Variants in IBA57 observed in about 807,000 individuals in gnomAD.
The protein encoded by IBA57 is iron-sulfur cluster assembly factor IBA57, mitochondrial.
A neutral mutation model predicts 20.4 loss-of-function variants in IBA57; 20 were observed. The observed-to-expected ratio is 0.98, with a 90% CI of 0.69 to 1.42. The LOEUF is 1.42. Among genes scored for constraint, IBA57 ranks in the 40% most tolerant of loss-of-function variants. The pLI is 0.00. For synonymous variants in IBA57, 310 were observed against 233.9 expected (o/e 1.33, Z -2.97); for missense variants, 608 against 499.3 (o/e 1.22, Z -2.07).
intron 1 of IBA57, among the ~76,000 whole-genome samples, chr1:228,168,376 T>C (rs2034880626): frequency 6.6e-6 from 1 of 152,224 alleles, no homozygotes; most frequent in Admixed American, 6.5e-5. Context: ...AGTCTGTTAG[T>C]AGTTAAGCTT....
At chr1:228,166,233 C>G in intron 1 of IBA57, 76 bp downstream of exon 1, 1 of 468,722 alleles carries the variant, frequency 2.1e-6, no homozygotes, top group Non-Finnish European at 2.7e-6. Context: ...AGGGACAGGG[C>G]GGGCGCCCGG....
In IBA57 at chr1:228,165,990, G is replaced by A. The variant is rs1163691958; in HGVS notation, c.174G>A (p.Leu58=). The A allele has an allele frequency of 6.6e-7, 1 of 1,525,972 alleles. No individual in the cohort carries two copies. The highest frequency in any genetic ancestry group is 8.7e-7 in the Non-Finnish European group (1 of 1,144,056). 94.5% of individuals were successfully genotyped at this position (1,525,972 alleles called of 1,614,324 possible). ...GCTTCCGGCTGGACGGGCGCACCCT[G>A]CTGCGCGTGCGTGGCCCCGACGCGG... ...WACFRLDGRT[L]LRVRGPDAAP... Residue 58 remains leucine (L), a synonymous_variant, in exon 1 of 3, where the codon CTG becomes CTA. Transcript: ENST00000366711.
In IBA57 at chr1:228,165,982, C is replaced by G; in HGVS notation, c.166C>G (p.Arg56Gly). Residue 56 changes from arginine to glycine, a missense_variant, in exon 1 of 3, where the codon CGC (arginine) becomes GGC (glycine). Coordinates refer to ENST00000366711, the MANE Select transcript of IBA57 (RefSeq NM_001010867.4). ...CTGGGCCTGCTTCCGGCTGGACGGG[C>G]GCACCCTGCTGCGCGTGCGTGGCCC... ...AAWACFRLDG[R>G]TLLRVRGPDA... 6.6e-7 allele frequency: 1 copy of G among 1,521,682 alleles called. No homozygotes were observed. The highest frequency in any genetic ancestry group is 8.8e-7 in the Non-Finnish European group (1 of 1,142,268). The allele number at this position is 1,521,682 out of a possible 1,614,324, so 94.3% of individuals were successfully genotyped here. A position where few individuals can be genotyped will look rare whatever the true frequency, so the allele number is the denominator to read the frequency against.
In IBA57 at chr1:228,175,606, C is replaced by A; in HGVS notation, c.*93C>A. 1 of 1,431,312 alleles carries A rather than the reference C, an allele frequency of 7.0e-7. No homozygotes were observed. Among genetic ancestry groups the A allele is most frequent in the Non-Finnish European group, 9.3e-7 (1 of 1,079,948 alleles). The allele number at this position is 1,431,312 out of a possible 1,614,324, so 88.7% of individuals were successfully genotyped here. On this transcript the variant is annotated 3_prime_UTR_variant, in exon 3 of 3. Transcript: ENST00000366711. ...GTCTTCCCGTCCCATCTGTCTGCTG[C>A]GCCTACTGGGTGGGAGCCCTGGTTT...
Position 228,174,854 on chromosome 1 carries a change from G to T in IBA57, c.504G>T (p.Glu168Asp). ...RVWAVLPSSPEACGAASLQER... is the reference protein window; with the variant it reads ...RVWAVLPSSPDACGAASLQER... ...GGGCGGTGTTGCCCAGTTCCCCTGA[G>T]GCCTGCGGGGCTGCATCGCTGCAGG... Residue 168 changes from glutamate (E) to aspartate (D), a missense_variant, in exon 2 of 3, where the codon GAG becomes GAT. Glu to Asp is a conservative substitution (Grantham distance 45). Transcript: ENST00000366711. 1 of 1,610,262 alleles carries T rather than the reference G, an allele frequency of 6.2e-7. No homozygotes were observed.
rs1354886880 is a variant in IBA57, at chr1:228,165,995, G to C, written c.179G>C (p.Arg60Pro). 2.0e-6 allele frequency: 3 copies of C among 1,527,648 alleles called. No individual in the cohort carries two copies. Among genetic ancestry groups the C allele is most frequent in the Non-Finnish European group, 1.7e-6 (2 of 1,144,796 alleles). 94.6% of individuals were successfully genotyped at this position (1,527,648 alleles called of 1,614,324 possible). Residue 60 changes from arginine (R) to proline (P), a missense_variant, in exon 1 of 3, where the codon CGC becomes CCC. Coordinates refer to ENST00000366711, the MANE Select transcript of IBA57 (RefSeq NM_001010867.4). ...CFRLDGRTLLRVRGPDAAPFL... is the reference protein window; with the variant it reads ...CFRLDGRTLLPVRGPDAAPFL... ...CGGCTGGACGGGCGCACCCTGCTGCGCGTGCGTGGCCCCGACGCGGCGCCC... is the reference window on the plus strand; with the variant it reads ...CGGCTGGACGGGCGCACCCTGCTGCCCGTGCGTGGCCCCGACGCGGCGCCC...
At position 228,170,071 on chromosome 1, in the gene IBA57, A is replaced by G. The variant is rs531404749; in HGVS notation, c.341+3914A>G. 5.9e-5 allele frequency among the ~76,000 whole-genome samples: 9 copies of G among 152,230 alleles called. No homozygotes were observed. The highest frequency in any genetic ancestry group is 8.8e-5 in the Non-Finnish European group (6 of 68,026). On this transcript the variant is annotated intron_variant, in intron 1 of 2. Transcript: ENST00000366711. The surrounding 1 kb of genome is among the most constrained non-coding windows in gnomAD (Gnocchi z 4.8). ...TTTTTAGTAGAGACGGGGTTTCACC[A>G]TGTTGGTCAGGCTGGTCTCGAACTA... is the stretch of plus-strand genomic sequence containing the variant.
rs73095427 is a variant in IBA57 at position 228,174,786 on chromosome 1, C to T, written c.436C>T (p.Arg146Trp). The T allele has an allele frequency of 1.2e-6, 2 of 1,610,862 alleles. No homozygotes were observed. The highest frequency in any genetic ancestry group is 1.1e-5 in the South Asian group (1 of 90,896). The change falls in exon 2 of 3, where the codon CGG (arginine) becomes TGG (tryptophan). Residue 146 changes from arginine to tryptophan, a missense_variant. Transcript: ENST00000366711. ...LQKHLALYRI[R>W]RKVTVEPHPE... is the part of the protein sequence containing the mutation. ...GAAGCACCTCGCGCTATACAGGATC[C>T]GGCGGAAGGTCACGGTGGAGCCGCA...
chr1:228,172,542 G>A (rs2034943621), intron 1 of IBA57: 1 of 152,276 alleles, frequency 6.6e-6, no homozygotes, highest in Non-Finnish European at 1.5e-5. Flanking sequence ...CCCACATGGT[G>A]TAGTGGCACC....
Position 228,174,916 on chromosome 1 carries a change from CG to C in IBA57, c.567del (p.Arg190GlufsTer61). ...AGAAAILIRDPRTARMGWRLL... is the reference protein window; with the variant it reads ...AGAAAILIRDXRTARMGWRLL... ...GCTGCCGCCATCCTCATCCGCGACCCGCGAACAGCACGCATGGGGTGGCGGC... is the reference window on the plus strand; with the variant it reads ...GCTGCCGCCATCCTCATCCGCGACCCCGAACAGCACGCATGGGGTGGCGGC... On this transcript the variant is annotated frameshift_variant, in exon 2 of 3. Coordinates refer to ENST00000366711, the MANE Select transcript of IBA57 (RefSeq NM_001010867.4). LOFTEE classifies it high-confidence loss of function. 6.3e-7 allele frequency: 1 copy of C among 1,599,706 alleles called. No individual in the cohort carries two copies. Among genetic ancestry groups the C allele is most frequent in the Non-Finnish European group, 8.5e-7 (1 of 1,172,350 alleles).
intron 1 of IBA57, chr1:228,171,497 G>A (rs1261973155): frequency 6.6e-6 from 1 of 152,358 alleles, no homozygotes; most frequent in Non-Finnish European, 1.5e-5. Context: ...CACCCTGTGT[G>A]AGGCCAGGGA....
intron 1 of IBA57, 102 bp downstream of exon 1, chr1:228,166,259 T>G (rs1449411550): frequency 1.8e-3 from 129 of 71,408 alleles, no homozygotes; most frequent in South Asian, 0.014. Context: ...GCAGAGGGCG[T>G]GGGGGGTGGG....
At position 228,170,662 on chromosome 1, in the gene IBA57, G is replaced by T. The variant is rs1418769107; in HGVS notation, c.342-4030G>T. On this transcript the variant is annotated intron_variant, in intron 1 of 2. Coordinates refer to ENST00000366711, the MANE Select transcript of IBA57 (RefSeq NM_001010867.4). The surrounding 1 kb of genome is among the most constrained non-coding windows in gnomAD (Gnocchi z 4.8). ...GTAGGAGGCAGAGAGAGGCTGTAGG[G>T]TCATGTTGCAGGTAGGATTGTGGTC... 6.6e-6 allele frequency among the ~76,000 whole-genome samples: 1 copy of T among 152,194 alleles called. No individual in the cohort carries two copies. Among genetic ancestry groups the T allele is most frequent in the Non-Finnish European group, 1.5e-5 (1 of 68,034 alleles).
In IBA57 at chr1:228,175,486, A is replaced by C. The variant is rs934976264; in HGVS notation, c.1044A>C (p.Pro348=). ...AGGTGGCCTTAGCCGCATCTGTGCC[A>C]GACTGGTGGCCTACAGTCTCCAAGT... ...GAQVALAASV[P]DWWPTVSK is the part of the protein sequence containing the mutation. Residue 348 remains proline (P), a synonymous_variant, in exon 3 of 3, where the codon CCA becomes CCC. Coordinates refer to ENST00000366711, the MANE Select transcript of IBA57 (RefSeq NM_001010867.4). 6.3e-7 allele frequency: 1 copy of C among 1,587,302 alleles called. No homozygotes were observed. Among genetic ancestry groups the C allele is most frequent in the African/African-American group, 1.3e-5 (1 of 74,426 alleles).
At chr1:228,166,221 C>G in intron 1 of IBA57, 64 bp downstream of exon 1, 1 of 1,284,374 alleles carries the variant, frequency 7.8e-7, no homozygotes, top group Non-Finnish European at 1.0e-6. Flanking sequence ...GGACCGGCAC[C>G]CAGGGACAGG....
At position 228,174,723 on chromosome 1, in the gene IBA57, C is replaced by T; in HGVS notation, c.373C>T (p.Leu125Phe). ...GGAACACTCGGAGGTGTCTGGCTTC[C>T]TTCTGGAGTGTGACAGCTCGGTGCA... ...LQEHSEVSGF[L>F]LECDSSVQGA... Residue 125 changes from leucine to phenylalanine, a missense_variant, in exon 2 of 3, where the codon CTT (leucine) becomes TTT (phenylalanine). Transcript: ENST00000366711. The T allele has an allele frequency of 6.3e-7, 1 of 1,591,460 alleles. No individual in the cohort carries two copies. The highest frequency in any genetic ancestry group is 8.5e-7 in the Non-Finnish European group (1 of 1,170,972).
chr1:228,175,388 A>G lies in IBA57; in HGVS notation c.946A>G (p.Asn316Asp). ...GGGCAAGTTCAGGGCTGGCCAGGGC[A>G]ACGTGGGGCTGGCCCTGCTGTGGTC... ...TVGKFRAGQG[N>D]VGLALLWSEK... Residue 316 changes from asparagine (N) to aspartate (D), a missense_variant, in exon 3 of 3, where the codon AAC (asparagine) becomes GAC (aspartate). Physicochemically the swap from Asn to Asp is conservative, Grantham distance 23. Coordinates refer to ENST00000366711, the MANE Select transcript of IBA57 (RefSeq NM_001010867.4). 1 of 1,612,920 alleles carries G rather than the reference A, an allele frequency of 6.2e-7. No individual in the cohort carries two copies. The highest frequency in any genetic ancestry group is 8.5e-7 in the Non-Finnish European group (1 of 1,179,952).
In IBA57 at chr1:228,175,198, C is replaced by T. The variant is rs1054729297; in HGVS notation, c.756C>T (p.Gly252=). The T allele has an allele frequency of 1.4e-5, 22 of 1,612,964 alleles. No homozygotes were observed. In the Middle Eastern group the frequency reaches 4.9e-4, roughly 36 times the overall value. Residue 252 remains glycine, a synonymous_variant, in exon 3 of 3, where the codon GGC becomes GGT. Coordinates refer to ENST00000366711, the MANE Select transcript of IBA57 (RefSeq NM_001010867.4). ...AGTCCAACCTGGCCTTCATGAACGG[C>T]GTGAGCTTCACCAAAGGCTGCTACA... ...PLESNLAFMN[G]VSFTKGCYIG... is the part of the protein sequence containing the mutation.
At chr1:228,174,112 G>A (rs1207707511) in intron 1 of IBA57, among the ~76,000 whole-genome samples, 1 of 150,476 alleles carries the variant, frequency 6.6e-6, no homozygotes, top group Non-Finnish European at 1.5e-5. Flanking sequence ...GCCTGGTGTG[G>A]CTGTGGGCGT....
Sources: gnomAD v4.1 joint callset for allele counts (sites outside exome capture counted in the v4.1 genomes callset) on GRCh38, gnomAD v4.1.1 for gene constraint, Gnocchi (gnomAD v3.1) non-coding constraint, MANE v1.5 for transcripts, NCBI Gene and HGNC (gene_info 2026-07-23, HGNC 2026-07-21) for gene names.